The following SSH2 variants were observed in gnomAD, a reference collection of about 807,000 sequenced individuals.
The protein encoded by SSH2 is slingshot protein phosphatase 2, also known as protein phosphatase Slingshot homolog 2.
A neutral mutation model predicts 135.2 loss-of-function variants in SSH2; 37 were observed. The observed-to-expected ratio is 0.27, with a 90% CI of 0.21 to 0.36. The LOEUF is 0.36. Ranked by LOEUF, SSH2 falls within the 10% of genes least tolerant of loss-of-function variation. The pLI is 1.00. For synonymous variants in SSH2, 628 were observed against 646.2 expected (o/e 0.97, Z 0.43); for missense variants, 1,408 against 1,765.3 (o/e 0.80, Z 3.63).
chr17:29,924,791 T>C (rs560080633), intron 1 of SSH2, among the ~76,000 whole-genome samples: 1 of 152,296 alleles, frequency 6.6e-6, no homozygotes, highest in South Asian at 2.1e-4. Flanking sequence ...TTTATAAGAT[T>C]TATGTATAAA....
intron 5 of SSH2, among the ~76,000 whole-genome samples, chr17:29,688,814 G>C (rs2038341219): frequency 6.6e-6 from 1 of 152,108 alleles, no homozygotes. Flanking sequence ...AAAAATCTTT[G>C]AAGAAAAAAT....
intron 3 of SSH2, among the ~76,000 whole-genome samples, chr17:29,772,482 T>A (rs1015514573): frequency 6.6e-6 from 1 of 152,116 alleles, no homozygotes; most frequent in African/African-American, 2.4e-5. Flanking sequence ...TACTCTTACT[T>A]AATTGCTTTC....
chr17:29,647,866 T>C, intron 14 of SSH2: 2 of 340,588 alleles, frequency 5.9e-6, no homozygotes, highest in Non-Finnish European at 1.1e-5. Flanking sequence ...TTTCACCATG[T>C]TGGCCAGGCT....
At chr17:29,836,271 A>G (rs2042942661) in intron 2 of SSH2, among the ~76,000 whole-genome samples, 1 of 152,150 alleles carries the variant, frequency 6.6e-6, no homozygotes, top group Admixed American at 6.6e-5. Flanking sequence ...GCCCTTCTTG[A>G]ACATCCTTTA....
intron 9 of SSH2, among the ~76,000 whole-genome samples, chr17:29,667,574 C>T (rs564902548): frequency 1.2e-4 from 18 of 152,284 alleles, no homozygotes; most frequent in Admixed American, 8.5e-4. Flanking sequence ...AGCTAACTAA[C>T]GCCTGATGAT....
intron 1 of SSH2, among the ~76,000 whole-genome samples, chr17:29,891,681 C>T (rs1194282405): frequency 6.6e-6 from 1 of 151,166 alleles, no homozygotes; most frequent in East Asian, 1.9e-4. Context: ...TCTCATTTGA[C>T]CAAAAGGGCT....
At chr17:29,920,917 A>G (rs1293005551) in intron 1 of SSH2, among the ~76,000 whole-genome samples, 1 of 152,190 alleles carries the variant, frequency 6.6e-6, no homozygotes, top group Admixed American at 6.5e-5. Flanking sequence ...AATTTGCAAC[A>G]TAACAGAAAA....
intron 1 of SSH2, chr17:29,925,436 C>T (rs2067047441): frequency 2.5e-6 from 1 of 398,120 alleles, no homozygotes; most frequent in African/African-American, 2.1e-5. Flanking sequence ...AAAATTGTAG[C>T]CGGTCACAGT....
intron 1 of SSH2, among the ~76,000 whole-genome samples, chr17:29,911,872 C>T (rs532500603): frequency 8.5e-5 from 13 of 152,192 alleles, no homozygotes; most frequent in African/African-American, 1.2e-4. Context: ...CAGATATGTT[C>T]TGTTTAGCCT....
intron 9 of SSH2, among the ~76,000 whole-genome samples, chr17:29,669,241 A>G (rs922915397): frequency 6.6e-6 from 1 of 151,540 alleles, no homozygotes; most frequent in African/African-American, 2.4e-5. Flanking sequence ...CAACAGTGAG[A>G]CTCCGTCTCA....
chr17:29,842,777 A>AT (rs141079213), intron 2 of SSH2, among the ~76,000 whole-genome samples: 74 of 152,294 alleles, frequency 4.9e-4, no homozygotes, highest in African/African-American at 1.8e-3. Flanking sequence ...TCATGGTAAA[A>AT]CTATGTTTGC....
chr17:29,738,543 CTTTTTTATTTTATTTTATTTTT>C (rs2151200954), intron 3 of SSH2, among the ~76,000 whole-genome samples: 1 of 149,432 alleles, frequency 6.7e-6, no homozygotes, highest in East Asian at 2.0e-4. Flanking sequence ...CTTTTTTTTT[CTTTTTTATTTTATTTTATTTTT>C]TTTTTTGAGA....
chr17:29,703,177 A>G (rs1297687155), intron 3 of SSH2, 115 bp from the exon 4 acceptor site: 4 of 720,742 alleles, frequency 5.5e-6, no homozygotes, highest in Non-Finnish European at 9.9e-6. Context: ...ACTTCATGGA[A>G]CGAAGTAAAA....
At chr17:29,750,178 C>T (rs1370978440) in intron 3 of SSH2, among the ~76,000 whole-genome samples, 1 of 151,870 alleles carries the variant, frequency 6.6e-6, no homozygotes, top group Admixed American at 6.6e-5. Context: ...TGGCTCATGC[C>T]TGTAATCCCA....
chr17:29,924,246 T>G (rs1444761772), intron 1 of SSH2, among the ~76,000 whole-genome samples: 7 of 152,182 alleles, frequency 4.6e-5, no homozygotes, highest in African/African-American at 1.7e-4. Flanking sequence ...AGAAATCAAT[T>G]TTGTATTTGC....
intron 3 of SSH2, chr17:29,776,467 C>T (rs2041703706): frequency 1.3e-5 from 2 of 152,124 alleles, no homozygotes; most frequent in African/African-American, 2.4e-5. Context: ...CAGTTGTGTT[C>T]CACAGACCCA....
At chr17:29,672,954 G>T (rs1371380169) in intron 8 of SSH2, among the ~76,000 whole-genome samples, 1 of 152,058 alleles carries the variant, frequency 6.6e-6, no homozygotes, top group African/African-American at 2.4e-5. Context: ...ACATCTGCCT[G>T]TCTTGGCCTC....
At chr17:29,722,758 C>T (rs1478040307) in intron 3 of SSH2, among the ~76,000 whole-genome samples, 2 of 152,016 alleles carry the variant, frequency 1.3e-5, no homozygotes, top group African/African-American at 4.8e-5. Context: ...GAAAACACAC[C>T]GTGGGAACAG....
intron 12 of SSH2, among the ~76,000 whole-genome samples, chr17:29,655,094 T>C (rs187489256): frequency 3.3e-5 from 5 of 152,120 alleles, no homozygotes; most frequent in Admixed American, 2.0e-4. Context: ...ACAGGGAGAA[T>C]AGCTGTTTTT....
Sources: allele counts gnomAD v4.1 joint callset (sites outside exome capture counted in the v4.1 genomes callset), GRCh38; gene constraint gnomAD v4.1.1; transcripts MANE v1.5; gene names NCBI Gene and HGNC (gene_info 2026-07-23, HGNC 2026-07-21).